OSMR: variants seen among roughly 807,000 people sequenced by gnomAD.
The protein encoded by OSMR is oncostatin M receptor.
OSMR carries 81 observed loss-of-function variants against 99.9 expected under a neutral mutation model. The ratio of observed to expected loss-of-function variants is 0.81; its 90% CI spans 0.68 to 0.97. OSMR has a LOEUF of 0.97. Ranked by LOEUF, OSMR falls within the 50% of genes least tolerant of loss-of-function variation. OSMR has a pLI of 0.00. For missense variants in OSMR, 1,099 were observed against 1,153.4 expected, an observed-to-expected ratio of 0.95 and a Z score of 0.68; for synonymous variants, 406 against 410.4, an observed-to-expected ratio of 0.99 and a Z score of 0.13.
intron 7 of OSMR, 162 bp downstream of exon 7, chr5:38,886,352 C>T (rs1743771828): frequency 2.1e-6 from 3 of 1,448,096 alleles, no homozygotes; most frequent in Non-Finnish European, 2.7e-6. Context: ...CTCATGGATG[C>T]ACGCATCCCC....
At chr5:38,869,430 A>G (rs1742201559) in intron 2 of OSMR, among the ~76,000 whole-genome samples, 1 of 152,242 alleles carries the variant, frequency 6.6e-6, no homozygotes, top group Admixed American at 6.5e-5. Context: ...TCAGACCATC[A>G]TCGAAGTAGT....
chr5:38,864,673 T>C (rs1226439929), intron 1 of OSMR, among the ~76,000 whole-genome samples: 2 of 152,142 alleles, frequency 1.3e-5, no homozygotes, highest in Admixed American at 1.3e-4. Context: ...TTCTCTTTCT[T>C]TTTAAAAAAT....
chr5:38,940,098 A>G (rs895666645), downstream of OSMR: 7 of 221,312 alleles, frequency 3.2e-5, no homozygotes, highest in Non-Finnish European at 6.3e-5. Flanking sequence ...CAGATATGAT[A>G]AGGTATACAT....
At chr5:38,860,586 T>A (rs950337661) in intron 1 of OSMR, among the ~76,000 whole-genome samples, 1 of 152,224 alleles carries the variant, frequency 6.6e-6, no homozygotes, top group African/African-American at 2.4e-5. Context: ...CCTTGTAGAA[T>A]TAGTTAGAGA....
At chr5:38,926,919 G>T (rs748367753) in intron 15 of OSMR, among the ~76,000 whole-genome samples, 3 of 152,208 alleles carry the variant, frequency 2.0e-5, no homozygotes, top group Non-Finnish European at 2.9e-5. Flanking sequence ...GATACAATGG[G>T]AGTACAGGCA....
intron 4 of OSMR, 118 bp downstream of exon 4, chr5:38,881,882 C>T (rs1488622468): frequency 7.9e-6 from 7 of 882,670 alleles, no homozygotes; most frequent in Non-Finnish European, 9.1e-6. Flanking sequence ...ACATTATTTT[C>T]CTTTGGCTCC....
chr5:38,902,654 A>G (rs762085260), intron 7 of OSMR, among the ~76,000 whole-genome samples: 1 of 152,204 alleles, frequency 6.6e-6, no homozygotes, highest in African/African-American at 2.4e-5. Flanking sequence ...TTGGGTCTGC[A>G]GTGTCCCTTT....
rs141016048 is a variant in OSMR at position 38,892,949 on chromosome 5, A to G, written c.991+6759A>G. On this transcript the variant is annotated intron_variant, in intron 7 of 17. Transcript: ENST00000274276. ...GCCAGGGCTAGTGCTTGTGCTCACCATTGGGGTATTTGTGGGCAAGCCAGG... is the reference window on the plus strand; with the variant it reads ...GCCAGGGCTAGTGCTTGTGCTCACCGTTGGGGTATTTGTGGGCAAGCCAGG... Among the ~76,000 whole-genome samples, 330 of 152,232 alleles carry G rather than the reference A, an allele frequency of 2.2e-3. 3 individuals are homozygous for G. Among genetic ancestry groups the G allele is most frequent in the East Asian group, 0.017 (90 of 5,162 alleles).
chr5:38,904,693 A>T (rs888992149), intron 9 of OSMR, among the ~76,000 whole-genome samples, 190 bp downstream of exon 9: 1 of 152,228 alleles, frequency 6.6e-6, no homozygotes, highest in Non-Finnish European at 1.5e-5. Context: ...GACAGTTGAC[A>T]GTAGTATTTT....
chr5:38,941,324 TG>T (rs76267979), intron 1 of OSMR: 89,050 of 230,880 alleles, frequency 0.39, 17,467 homozygotes, highest in East Asian at 0.49. Flanking sequence ...GCTTTATTAA[TG>T]TTTTTTTTAA....
intron 1 of OSMR, among the ~76,000 whole-genome samples, chr5:38,862,724 C>T (rs1346219249): frequency 8.7e-5 from 13 of 150,244 alleles, no homozygotes; most frequent in African/African-American, 1.2e-4. Context: ...GATGGGATGG[C>T]GGCCGGGAAG....
chr5:38,909,806 G>A (rs1745457997), intron 9 of OSMR, among the ~76,000 whole-genome samples: 1 of 152,144 alleles, frequency 6.6e-6, no homozygotes, highest in South Asian at 2.1e-4. Context: ...ACAGTATAAA[G>A]CAACCACGCA....
downstream of OSMR, chr5:38,935,791 A>C (rs940774305): frequency 6.6e-6 from 1 of 152,070 alleles, no homozygotes; most frequent in African/African-American, 2.4e-5. Flanking sequence ...ATGGACCTGG[A>C]ATCTATTTTT....
chr5:38,931,983 T>G lies in OSMR; in HGVS notation c.2294+19T>G. The G allele has an allele frequency of 1.3e-6, 2 of 1,578,790 alleles. No individual in the cohort carries two copies. The highest frequency in any genetic ancestry group is 2.7e-5 in the African/African-American group (2 of 74,328). ...GTCAGTGGTAAGTGTGTGAGGAAGGTTTTATCCAAGAAGAGAGTAAGAGAA... is the reference window on the plus strand; with the variant it reads ...GTCAGTGGTAAGTGTGTGAGGAAGGGTTTATCCAAGAAGAGAGTAAGAGAA... On this transcript the variant is annotated intron_variant, in intron 16 of 17. Coordinates refer to ENST00000274276, the MANE Select transcript of OSMR (RefSeq NM_003999.3).
chr5:38,943,167 T>TTTA (rs1554058623), intron 1 of OSMR: 51 of 415,390 alleles, frequency 1.2e-4, no homozygotes, highest in East Asian at 5.7e-4. Context: ...GGTTTTTTTT[T>TTTA]AAAAAAAATG....
intron 7 of OSMR, among the ~76,000 whole-genome samples, chr5:38,897,884 GT>G (rs1311709097): frequency 6.6e-6 from 1 of 151,938 alleles, no homozygotes; most frequent in Non-Finnish European, 1.5e-5. Flanking sequence ...GGAGCATATC[GT>G]TTAATTTCTA....
intron 1 of OSMR, chr5:38,941,295 C>T (rs1025646035): frequency 2.2e-5 from 5 of 230,718 alleles, no homozygotes; most frequent in Non-Finnish European, 4.3e-5. Context: ...CTTTTCACTA[C>T]AATTTTTCTC....
At chr5:38,851,985 C>A (rs1385240087) in intron 1 of OSMR, among the ~76,000 whole-genome samples, 1 of 152,218 alleles carries the variant, frequency 6.6e-6, no homozygotes, top group African/African-American at 2.4e-5. Context: ...CCTCCCCAAC[C>A]ACGTGGAACT....
At chr5:38,889,379 C>G (rs915774116) in intron 7 of OSMR, among the ~76,000 whole-genome samples, 1 of 151,984 alleles carries the variant, frequency 6.6e-6, no homozygotes, top group Admixed American at 6.5e-5. Context: ...TTATTTTAAA[C>G]AATTTTTTCT....
Sources: allele counts gnomAD v4.1 joint callset (sites outside exome capture counted in the v4.1 genomes callset), GRCh38; gene constraint gnomAD v4.1.1; transcripts MANE v1.5; gene names NCBI Gene and HGNC (gene_info 2026-07-23, HGNC 2026-07-21).